SHROOM3: variants seen among roughly 807,000 people sequenced by gnomAD.
SHROOM3 encodes shroom family member 3, also known as protein Shroom3.
A neutral mutation model predicts 138.6 loss-of-function variants in SHROOM3; 47 were observed. The ratio of observed to expected loss-of-function variants is 0.34; its 90% confidence interval spans 0.27 to 0.43. The LOEUF is 0.43. SHROOM3 is among the 20% of genes least tolerant of loss of function. The probability of loss-of-function intolerance (pLI) is 1.00; values close to 1 mark genes in which losing one functional copy is unlikely to be tolerated. For missense variants in SHROOM3, 2,491 were observed against 2,596.5 expected (o/e 0.96, Z 0.88); for synonymous variants, 1,062 against 1,063.3 (o/e 1.00, Z 0.02).
intron 1 of SHROOM3, among the ~76,000 whole-genome samples, chr4:76,484,397 C>A (rs1289835143): frequency 6.6e-6 from 1 of 151,308 alleles, no homozygotes; most frequent in Non-Finnish European, 1.5e-5. Context: ...CATAGTGAGA[C>A]CTCATCTCTT....
intron 1 of SHROOM3, among the ~76,000 whole-genome samples, chr4:76,442,645 A>G (rs1031488665): frequency 4.0e-5 from 6 of 151,588 alleles, no homozygotes; most frequent in African/African-American, 1.2e-4. Context: ...TCCTTACCTT[A>G]TGATCCGCCC....
At chr4:76,771,830 G>C (rs1284057371) in intron 10 of SHROOM3, among the ~76,000 whole-genome samples, 1 of 152,210 alleles carries the variant, frequency 6.6e-6, no homozygotes, top group Non-Finnish European at 1.5e-5. Context: ...CAGAGCTATA[G>C]AGCATTCTTC....
At chr4:76,648,514 T>A (rs1735884614) in intron 2 of SHROOM3, among the ~76,000 whole-genome samples, 1 of 152,150 alleles carries the variant, frequency 6.6e-6, no homozygotes, top group Non-Finnish European at 1.5e-5. Flanking sequence ...GCATTTTTTT[T>A]TTTAGCAGCC....
At chr4:76,638,844 C>A (rs1461113400) in intron 2 of SHROOM3, 1 of 152,106 alleles carries the variant, frequency 6.6e-6, no homozygotes, top group East Asian at 1.9e-4. Context: ...GCAGTCTGAC[C>A]CTAGGGAATG....
At chr4:76,714,345 T>C (rs1720312124) in intron 3 of SHROOM3, among the ~76,000 whole-genome samples, 1 of 152,202 alleles carries the variant, frequency 6.6e-6, no homozygotes, top group South Asian at 2.1e-4. Context: ...CTTGACACTT[T>C]TGAAGAGCTC....
intron 1 of SHROOM3, among the ~76,000 whole-genome samples, chr4:76,512,318 G>T (rs1444238535): frequency 6.6e-6 from 1 of 152,186 alleles, no homozygotes; most frequent in African/African-American, 2.4e-5. Flanking sequence ...CCAAAGCAGA[G>T]GGGATCTCCA....
chr4:76,757,922 G>C (rs2110146451), intron 8 of SHROOM3: 1 of 152,266 alleles, frequency 6.6e-6, no homozygotes, highest in East Asian at 1.9e-4. Context: ...AATAAAAACA[G>C]AACATTTTAT....
rs1216353051 is a variant in SHROOM3 at position 76,770,781 on chromosome 4, G to A, written c.5505G>A (p.Arg1835=). The change falls in exon 10 of 11, where the codon AGG becomes AGA. Residue 1835 remains arginine (R), a synonymous_variant. Coordinates refer to ENST00000296043, the MANE Select transcript of SHROOM3 (RefSeq NM_020859.4). ...LCKPNEFDKY[R]MFIGDLDKVV... is the part of the protein sequence containing the mutation. ...AGCCCAATGAGTTTGACAAGTATAG[G>A]ATGTTCATAGGGGATTTGGACAAGG... is the stretch of plus-strand genomic sequence containing the variant. 130 of 1,614,214 alleles carry A rather than the reference G, an allele frequency of 8.1e-5. No homozygotes were observed. Among genetic ancestry groups the A allele is most frequent in the Non-Finnish European group, 1.1e-4 (129 of 1,180,048 alleles).
intron 10 of SHROOM3, among the ~76,000 whole-genome samples, chr4:76,778,268 G>A (rs527299847): frequency 9.3e-5 from 14 of 151,138 alleles, no homozygotes; most frequent in African/African-American, 3.4e-4. Flanking sequence ...TGTCATCCAG[G>A]CTGGAGTGCA....
rs1721228205 is a variant in SHROOM3, at chr4:76,740,893, GGCCCGGCTC to G, written c.2726_2734del (p.Gly909_Pro911del). On this transcript the variant is annotated inframe_deletion, in exon 5 of 11. Transcript: ENST00000296043. This position sits in a 1 kb window ranked among gnomAD's most constrained non-coding sequence, Gnocchi z 4.0. ...GAGAGGGAGCCCGAGTGGCGGGACAGGCCCGGCTCGCCCGAATCGCCCCTGCTGGATGCC... is the reference window on the plus strand; with the variant it reads ...GAGAGGGAGCCCGAGTGGCGGGACAGGCCCGAATCGCCCCTGCTGGATGCC... 1.3e-6 allele frequency: 2 copies of G among 1,516,380 alleles called. No homozygotes were observed. Among genetic ancestry groups the G allele is most frequent in the African/African-American group, 1.4e-5 (1 of 71,910 alleles). 93.9% of individuals were successfully genotyped at this position (1,516,380 alleles called of 1,614,324 possible).
chr4:76,467,595 G>T (rs1299940877), intron 1 of SHROOM3, among the ~76,000 whole-genome samples: 3 of 152,184 alleles, frequency 2.0e-5, no homozygotes, highest in Non-Finnish European at 4.4e-5. Context: ...CAGGCTAGTG[G>T]TAATCACTCC....
intron 3 of SHROOM3, among the ~76,000 whole-genome samples, chr4:76,726,875 AT>A (rs760125300): frequency 1.3e-5 from 2 of 152,098 alleles, no homozygotes; most frequent in Non-Finnish European, 2.9e-5. Context: ...AGCCTGTGGA[AT>A]TTATCACTTT....
chr4:76,488,744 G>A (rs1049074972), intron 1 of SHROOM3, among the ~76,000 whole-genome samples: 1 of 152,162 alleles, frequency 6.6e-6, no homozygotes, highest in Non-Finnish European at 1.5e-5. Context: ...AAAAGTATTA[G>A]TAATAACAAC....
intron 2 of SHROOM3, among the ~76,000 whole-genome samples, chr4:76,672,576 A>AT (rs112835286): frequency 0.32 from 48,384 of 151,648 alleles, 7,934 homozygotes; most frequent in East Asian, 0.42. Context: ...GGATACATGC[A>AT]TTTTTTTTGT....
At chr4:76,615,611 A>G (rs1734857462) in intron 2 of SHROOM3, among the ~76,000 whole-genome samples, 1 of 152,156 alleles carries the variant, frequency 6.6e-6, no homozygotes, top group Non-Finnish European at 1.5e-5. Flanking sequence ...CATGTGAAGG[A>G]GTGGAGGGAA....
intron 2 of SHROOM3, among the ~76,000 whole-genome samples, chr4:76,687,038 G>C (rs898562438): frequency 1.3e-5 from 2 of 152,126 alleles, no homozygotes; most frequent in South Asian, 4.1e-4. Flanking sequence ...CACCAGAGGT[G>C]GCTTTGGCGA....
At chr4:76,528,944 C>A (rs1276489718) in intron 1 of SHROOM3, among the ~76,000 whole-genome samples, 1 of 152,206 alleles carries the variant, frequency 6.6e-6, no homozygotes, top group African/African-American at 2.4e-5. Flanking sequence ...GGGTGGGCAA[C>A]TGTGACGTCT....
intron 1 of SHROOM3, among the ~76,000 whole-genome samples, chr4:76,516,068 T>C (rs1041355021): frequency 6.6e-6 from 1 of 152,146 alleles, no homozygotes; most frequent in Non-Finnish European, 1.5e-5. Context: ...GTCAGGTTAG[T>C]GTGTGAAACT....
chr4:76,536,709 CT>C (rs983839976), intron 1 of SHROOM3, among the ~76,000 whole-genome samples: 7 of 152,168 alleles, frequency 4.6e-5, no homozygotes, highest in African/African-American at 1.7e-4. Context: ...TTTAAATGTC[CT>C]TTTTCTTTTC....
Sources: gnomAD v4.1 joint callset for allele counts (sites outside exome capture counted in the v4.1 genomes callset) on GRCh38, gnomAD v4.1.1 for gene constraint, Gnocchi (gnomAD v3.1) non-coding constraint, MANE v1.5 for transcripts, NCBI Gene and HGNC (gene_info 2026-07-23, HGNC 2026-07-21) for gene names.